The following FOXP4 variants were observed in gnomAD, a reference collection of about 807,000 sequenced individuals.
FOXP4 encodes forkhead box P4.
FOXP4 carries 25 observed loss-of-function variants against 82.6 expected under a neutral mutation model. The observed-to-expected ratio is 0.30, with a 90% CI of 0.22 to 0.42. The LOEUF (loss-of-function observed/expected upper bound fraction) is 0.42. FOXP4 is among the 10% of genes least tolerant of loss of function. The pLI, the probability that FOXP4 is intolerant of heterozygous loss-of-function variation, is 1.00. For synonymous variants in FOXP4, 415 were observed against 388.2 expected (o/e 1.07, Z -0.81); for missense variants, 785 against 900.9 (o/e 0.87, Z 1.65).
intron 14 of FOXP4, 144 bp from the exon 15 acceptor site, chr6:41,597,032 A>C (rs1244818880): frequency 2.5e-6 from 2 of 815,254 alleles, no homozygotes; most frequent in African/African-American, 3.3e-5. Context: ...CACAGCTCCA[A>C]GACAGCGGCT....
At position 41,597,199 on chromosome 6, in the gene FOXP4, T is replaced by C; in HGVS notation, c.1682T>C (p.Met561Thr). 1.9e-6 allele frequency: 3 copies of C among 1,614,138 alleles called. No homozygotes were observed. The highest frequency in any genetic ancestry group is 1.7e-6 in the Non-Finnish European group (2 of 1,180,006). Residue 561 changes from methionine (M) to threonine (T), a missense_variant, in exon 15 of 17, where the codon ATG becomes ACG. Physicochemically the swap from Met to Thr is moderately conservative, Grantham distance 81 (BLOSUM62 -1). Around this residue, in one of 3 missense-constraint regions of FOXP4, gnomAD observed 184 missense variants for 187.3 expected, o/e 0.98. Transcript: ENST00000307972. ...MTGSPTLVKN[M>T]ISGLSYGALN... Reference sequence around the variant, plus strand: ...AGGAGCCCCACCCTGGTGAAGAACATGATCTCTGGCCTCAGCTATGGAGCA... The same window carrying C: ...AGGAGCCCCACCCTGGTGAAGAACACGATCTCTGGCCTCAGCTATGGAGCA...
chr6:41,599,045 C>T lies in FOXP4; in HGVS notation c.*109C>T. On this transcript the variant is annotated 3_prime_UTR_variant, in exon 17 of 17. Coordinates refer to ENST00000307972, the MANE Select transcript of FOXP4 (RefSeq NM_001012426.2). The stretch of plus-strand genomic sequence containing the variant: ...CCCGAGCCTCAAGGCAAGTCCAGGA[C>T]TCAGACCGGGGAGGCCCGGGCCAGC... The T allele has an allele frequency of 2.1e-6, 3 of 1,419,530 alleles. No homozygotes were observed. The highest frequency in any genetic ancestry group is 2.9e-5 in the Admixed American group (1 of 34,726). 87.9% of individuals were successfully genotyped at this position (1,419,530 alleles called of 1,614,324 possible).
At chr6:41,586,859 G>T in intron 5 of FOXP4, 150 bp from the exon 6 acceptor site, 1 of 1,322,914 alleles carries the variant, frequency 7.6e-7, no homozygotes, top group East Asian at 2.5e-5. Flanking sequence ...AAGCTGGGCC[G>T]GGAGCAGAGA....
intron 1 of FOXP4, among the ~76,000 whole-genome samples, chr6:41,549,732 G>T (rs1315513175): frequency 6.8e-6 from 1 of 147,960 alleles, no homozygotes; most frequent in Non-Finnish European, 1.5e-5. Context: ...ATCACATGGT[G>T]GGGGGGAGGG....
In FOXP4 at chr6:41,589,926, C is replaced by A. The variant is rs748213916; in HGVS notation, c.1150-37C>A. The A allele has an allele frequency of 2.5e-6, 4 of 1,610,680 alleles. No individual in the cohort carries two copies. In the Admixed American group the frequency reaches 5.0e-5, roughly 20 times the overall value. The stretch of plus-strand genomic sequence containing the variant: ...CCTGGAGCCTCGGGACCCCCACCCT[C>A]GGGCACTGGTCTCAGTACCCTCCCC... On this transcript the variant is annotated intron_variant, in intron 10 of 16. Transcript: ENST00000307972.
At chr6:41,551,007 G>C (rs749603507) in intron 1 of FOXP4, among the ~76,000 whole-genome samples, 1 of 152,192 alleles carries the variant, frequency 6.6e-6, no homozygotes, top group Non-Finnish European at 1.5e-5. Flanking sequence ...TGAGCCTGAA[G>C]TTATTGGCTC....
In FOXP4 at chr6:41,578,026, C is replaced by G; in HGVS notation, c.245C>G (p.Ser82Ter). Residue 82 changes from serine to a stop codon, truncating the protein, a stop_gained, in exon 3 of 17, where the codon TCA becomes TGA. Coordinates refer to ENST00000307972, the MANE Select transcript of FOXP4 (RefSeq NM_001012426.2). LOFTEE classifies it high-confidence loss of function. ...VARQFLLQQA[S>*]GLSSPGNNDS... ...CGGCAGTTCCTGCTGCAGCAGGCCT[C>G]AGGCCTGAGCTCCCCAGGGAACAAT... The G allele has an allele frequency of 6.2e-7, 1 of 1,613,440 alleles. No individual in the cohort carries two copies. Among genetic ancestry groups the G allele is most frequent in the Non-Finnish European group, 8.5e-7 (1 of 1,180,004 alleles).
chr6:41,563,109 C>A (rs1002440701), intron 1 of FOXP4, among the ~76,000 whole-genome samples: 3 of 152,210 alleles, frequency 2.0e-5, no homozygotes, highest in Admixed American at 6.5e-5. Context: ...GAAGAGCAAG[C>A]CCTTGGGAAC....
At chr6:41,586,267 GC>G (rs1226810381) in intron 5 of FOXP4, among the ~76,000 whole-genome samples, 1 of 152,038 alleles carries the variant, frequency 6.6e-6, no homozygotes, top group East Asian at 1.9e-4. Context: ...TGAATAGCCA[GC>G]CCCCACCCTA....
In FOXP4 at chr6:41,570,079, G is replaced by GACACAC. The variant is rs35549847; in HGVS notation, c.204+4148_204+4153dup. 1,146 of 123,936 alleles carry GACACAC rather than the reference G, an allele frequency of 9.2e-3. 34 individuals are homozygous for GACACAC. The highest frequency in any genetic ancestry group is 0.02 in the Middle Eastern group (6 of 306). 7.7% of individuals were successfully genotyped at this position (123,936 alleles called of 1,614,324 possible). A position where few individuals can be genotyped will look rare whatever the true frequency, so the allele number is the denominator to read the frequency against. ...GTGAATTTGCCCCCCACCACCCCCT[G>GACACAC]ACACACACACACACACACACACACA... On this transcript the variant is annotated intron_variant, in intron 2 of 16. Coordinates refer to ENST00000307972, the MANE Select transcript of FOXP4 (RefSeq NM_001012426.2).
At chr6:41,564,530 C>G (rs75377884) in intron 1 of FOXP4, among the ~76,000 whole-genome samples, 2 of 152,296 alleles carry the variant, frequency 1.3e-5, no homozygotes, top group African/African-American at 4.8e-5. Context: ...TCCTGACCAT[C>G]CCAAACACAT....
Position 41,567,944 on chromosome 6 carries a change from G to A in FOXP4, c.204+1980G>A, listed in dbSNP as rs188670711. Reference sequence around the variant, plus strand: ...GGGCTCACTATGGGCAGAGTGCCCAGGGCCAAGGAACATATTTGAGACTTA... The same window carrying A: ...GGGCTCACTATGGGCAGAGTGCCCAAGGCCAAGGAACATATTTGAGACTTA... On this transcript the variant is annotated intron_variant, in intron 2 of 16. Transcript: ENST00000307972. Among the ~76,000 whole-genome samples the A allele has an allele frequency of 7.9e-4, 121 of 152,336 alleles. 1 individual carries two copies. The highest frequency in any genetic ancestry group is 1.6e-3 in the Admixed American group (24 of 15,308).
chr6:41,595,056 C>T, intron 14 of FOXP4, 65 bp downstream of exon 14: 1 of 1,604,638 alleles, frequency 6.2e-7, no homozygotes, highest in Non-Finnish European at 8.5e-7. Flanking sequence ...TCACCCCCAC[C>T]CCCTACCTCT....
intron 3 of FOXP4, among the ~76,000 whole-genome samples, chr6:41,578,569 G>C (rs542026401): frequency 6.6e-6 from 1 of 151,308 alleles, no homozygotes; most frequent in East Asian, 2.0e-4. Context: ...CAGCTCTCTC[G>C]CAGTCTCTCC....
intron 1 of FOXP4, among the ~76,000 whole-genome samples, chr6:41,563,388 T>A (rs1273495599): frequency 6.6e-6 from 1 of 152,184 alleles, no homozygotes; most frequent in Non-Finnish European, 1.5e-5. Context: ...AGCTGCTGCC[T>A]TGGGGAAGGA....
At chr6:41,586,603 G>A (rs770699030) in intron 5 of FOXP4, among the ~76,000 whole-genome samples, 44 of 152,316 alleles carry the variant, frequency 2.9e-4, no homozygotes, top group African/African-American at 1.0e-3. Flanking sequence ...GGGGCACCCC[G>A]GGCATGTGGG....
chr6:41,590,156 C>T lies in FOXP4; in HGVS notation c.1343C>T (p.Ser448Phe), dbSNP rs762904094. The change falls in exon 11 of 17, where the codon TCC (serine) becomes TTC (phenylalanine). Residue 448 changes from serine to phenylalanine, a missense_variant. Ser to Phe is a radical substitution (Grantham distance 155, BLOSUM62 -2). Around this residue, in one of 3 missense-constraint regions of FOXP4, gnomAD observed 570 missense variants for 634.0 expected, o/e 0.90. Transcript: ENST00000307972. ...CGGAGAAGCAGTGACAAGTTCTGCT[C>T]CCCCATCTCCTCAGGTGAGGGTGGG... ...ARRRSSDKFC[S>F]PISSELAQNH... is the part of the protein sequence containing the mutation. 5 of 1,606,064 alleles carry T rather than the reference C, an allele frequency of 3.1e-6. No homozygotes were observed. In the African/African-American group the frequency reaches 4.0e-5, roughly 13 times the overall value.
Position 41,598,941 on chromosome 6 carries a change from C to T in FOXP4, c.*5C>T. The T allele has an allele frequency of 6.3e-7, 1 of 1,584,914 alleles. No homozygotes were observed. The highest frequency in any genetic ancestry group is 8.6e-7 in the Non-Finnish European group (1 of 1,167,792). On this transcript the variant is annotated 3_prime_UTR_variant, in exon 17 of 17. Coordinates refer to ENST00000307972, the MANE Select transcript of FOXP4 (RefSeq NM_001012426.2). ...CCGGGAGAAGAACTGTCCTAAGGGC[C>T]TGTAGTGACCGGCAGGGCTGGGGTG...
chr6:41,564,817 C>T (rs369745357), intron 1 of FOXP4, among the ~76,000 whole-genome samples: 222 of 152,318 alleles, frequency 1.5e-3, no homozygotes, highest in African/African-American at 5.0e-3. Context: ...GGAACCAGGG[C>T]TTCCTTCACT....
Sources: gnomAD v4.1 joint callset for allele counts (sites outside exome capture counted in the v4.1 genomes callset) on GRCh38, gnomAD v4.1.1 for gene constraint, gnomAD v4.1.1 regional missense constraint, MANE v1.5 for transcripts, NCBI Gene and HGNC (gene_info 2026-07-23, HGNC 2026-07-21) for gene names.